NOD2: variants seen among roughly 807,000 people sequenced by gnomAD.
NOD2 encodes nucleotide binding oligomerization domain containing 2, also known as nucleotide-binding oligomerization domain-containing protein 2.
Under a neutral mutation model 90.9 loss-of-function variants are expected in NOD2, and 86 were observed. The observed-to-expected ratio is 0.95, with a 90% confidence interval of 0.79 to 1.13. The LOEUF (loss-of-function observed/expected upper bound fraction) is 1.13, where lower values mean the gene tolerates loss of function less well. NOD2 is among the 50% of genes most tolerant of loss of function. NOD2 has a pLI of 0.00. For missense variants in NOD2, 1,238 were observed against 1,283.8 expected (o/e 0.96, Z 0.55); for synonymous variants, 581 against 554.6 (o/e 1.05, Z -0.67).
At position 50,711,514 on chromosome 16, in the gene NOD2, C is replaced by T. The variant is rs145190613; in HGVS notation, c.1522C>T (p.Leu508=). The change falls in exon 4 of 12, where the codon CTG becomes TTG. Residue 508 remains leucine, a synonymous_variant. Transcript: ENST00000647318. ...CCCCCCAGACTCAGCTTCCCAAGGTCTGGGACCCAGTCTTCTTCGGGGCCG... is the reference window on the plus strand; with the variant it reads ...CCCCCCAGACTCAGCTTCCCAAGGTTTGGGACCCAGTCTTCTTCGGGGCCG... ...ATPPDSASQG[L]GPSLLRGRLP... is the part of the protein sequence containing the mutation. 8.8e-5 allele frequency: 142 copies of T among 1,613,394 alleles called. 1 individual carries two copies. Among genetic ancestry groups the T allele is most frequent in the Admixed American group, 3.8e-4 (23 of 60,028 alleles).
intron 2 of NOD2, among the ~76,000 whole-genome samples, chr16:50,706,698 CTTTT>C (rs529592403): frequency 4.3e-5 from 6 of 140,554 alleles, no homozygotes; most frequent in Admixed American, 7.1e-5. Flanking sequence ...CTATTTCTTT[CTTTT>C]TTTTTTTTTT....
At chr16:50,731,074 A>G (rs1286069052) in intron 11 of NOD2, among the ~76,000 whole-genome samples, 1 of 152,106 alleles carries the variant, frequency 6.6e-6, no homozygotes, top group Non-Finnish European at 1.5e-5. Context: ...GGAGGCTGGG[A>G]TGGAAGGATC....
At chr16:50,704,323 T>G (rs1964081973) in intron 2 of NOD2, among the ~76,000 whole-genome samples, 1 of 152,202 alleles carries the variant, frequency 6.6e-6, no homozygotes, top group Admixed American at 6.5e-5. Context: ...TACTACATTT[T>G]GCTAGACCGT....
rs756184386 is a variant in NOD2, at chr16:50,712,241, C to A, written c.2249C>A (p.Thr750Asn). The A allele has an allele frequency of 1.2e-6, 2 of 1,613,944 alleles. No individual in the cohort carries two copies. The highest frequency in any genetic ancestry group is 1.6e-4 in the Middle Eastern group (1 of 6,062). The change falls in exon 4 of 12, where the codon ACT becomes AAT. Residue 750 changes from threonine (T) to asparagine (N), a missense_variant. Around this residue, in one of 3 missense-constraint regions of NOD2, gnomAD observed 667 missense variants for 688.7 expected, o/e 0.97. Coordinates refer to ENST00000647318, the MANE Select transcript of NOD2 (RefSeq NM_001370466.1). ...LKLTFCSVGP[T>N]ECAALAFVLQ... ...TTGACATTTTGCAGTGTGGGCCCCA[C>A]TGAGTGTGCTGCCCTGGCCTTTGTG...
chr16:50,709,375 G>T (rs2150804662), intron 3 of NOD2, among the ~76,000 whole-genome samples: 1 of 152,314 alleles, frequency 6.6e-6, no homozygotes, highest in South Asian at 2.1e-4. Context: ...GGGCAGTGAG[G>T]CTGTGATGGC....
At chr16:50,698,566 A>G (rs1158727779) in intron 1 of NOD2, among the ~76,000 whole-genome samples, 2 of 152,198 alleles carry the variant, frequency 1.3e-5, no homozygotes, top group South Asian at 2.1e-4. Context: ...CCCGTGGGGA[A>G]CCCAAATGTA....
chr16:50,722,421 G>A (rs1965100345), intron 7 of NOD2, among the ~76,000 whole-genome samples: 1 of 152,204 alleles, frequency 6.6e-6, no homozygotes, highest in African/African-American at 2.4e-5. Context: ...GAAAACTCTT[G>A]GGTTAAGTTT....
chr16:50,721,682 G>A (rs775935873), intron 7 of NOD2, among the ~76,000 whole-genome samples: 6 of 151,828 alleles, frequency 4.0e-5, no homozygotes, highest in Non-Finnish European at 8.8e-5. Context: ...TTGTAGAGAC[G>A]GGGTCTCACT....
intron 2 of NOD2, among the ~76,000 whole-genome samples, chr16:50,707,331 C>T (rs1445921268): frequency 3.2e-4 from 48 of 152,090 alleles, no homozygotes; most frequent in Admixed American, 2.6e-3. Context: ...GGAAGGCTGT[C>T]GGTTTGGCAG....
chr16:50,722,110 A>G (rs1255215293), intron 7 of NOD2, among the ~76,000 whole-genome samples: 1 of 152,198 alleles, frequency 6.6e-6, no homozygotes, highest in Non-Finnish European at 1.5e-5. Context: ...AACTACAGTG[A>G]GTCAGAGGAG....
At chr16:50,721,892 G>A (rs1965077341) in intron 7 of NOD2, among the ~76,000 whole-genome samples, 1 of 152,196 alleles carries the variant, frequency 6.6e-6, no homozygotes, top group African/African-American at 2.4e-5. Context: ...TGTTATTACA[G>A]TGTCATATCC....
chr16:50,712,401 G>C (rs535622368), intron 4 of NOD2, 28 bp downstream of exon 4: 1 of 1,611,668 alleles, frequency 6.2e-7, no homozygotes, highest in Admixed American at 1.7e-5. Context: ...TTGCTGTTCA[G>C]GTATGGGGGA....
rs1596907667 is a variant in NOD2, at chr16:50,725,436, A to G, written c.2802-53A>G. 8.5e-6 allele frequency: 12 copies of G among 1,405,256 alleles called. No individual in the cohort carries two copies. The East Asian group carries it at 1.6e-4, about 19-fold the overall frequency. 87.0% of individuals were successfully genotyped at this position (1,405,256 alleles called of 1,614,324 possible). On this transcript the variant is annotated intron_variant, in intron 9 of 11. Coordinates refer to ENST00000647318, the MANE Select transcript of NOD2 (RefSeq NM_001370466.1). ...TATATGGGGGGCATGTGAGTTCATCATCTTCCATAATCAATGTTGTATCAA... is the reference window on the plus strand; with the variant it reads ...TATATGGGGGGCATGTGAGTTCATCGTCTTCCATAATCAATGTTGTATCAA...
At chr16:50,725,449 A>T in intron 9 of NOD2, 40 bp from the exon 10 acceptor site, 1 of 1,492,090 alleles carries the variant, frequency 6.7e-7, no homozygotes, top group Non-Finnish European at 9.4e-7. Context: ...TTCCATAATC[A>T]ATGTTGTATC....
rs769855133 is a variant in NOD2, at chr16:50,699,573, C to T, written c.78C>T (p.Phe26=). 34 of 1,613,926 alleles carry T rather than the reference C, an allele frequency of 2.1e-5. No homozygotes were observed. In the South Asian group the frequency reaches 2.3e-4, roughly 11 times the overall value. ...ELLVSGSLEG[F]ESVLDWLLSW... ...TGGTCTCAGGGTCCCTGGAAGGCTTCGAGAGTGTCCTGGACTGGCTGCTGT... is the reference window on the plus strand; with the variant it reads ...TGGTCTCAGGGTCCCTGGAAGGCTTTGAGAGTGTCCTGGACTGGCTGCTGT... Residue 26 remains phenylalanine (F), a synonymous_variant, in exon 2 of 12, where the codon TTC becomes TTT. Coordinates refer to ENST00000647318, the MANE Select transcript of NOD2 (RefSeq NM_001370466.1).
intron 2 of NOD2, 29 bp downstream of exon 2, chr16:50,699,983 G>A: frequency 6.3e-7 from 1 of 1,589,114 alleles, no homozygotes; most frequent in Middle Eastern, 1.7e-4. Flanking sequence ...GCATCACAGA[G>A]TTCTCAGGAA....
Position 50,713,741 on chromosome 16 carries a change from G to A in NOD2, c.2381+1368G>A, listed in dbSNP as rs972164038. On this transcript the variant is annotated intron_variant, in intron 4 of 11. Coordinates refer to ENST00000647318, the MANE Select transcript of NOD2 (RefSeq NM_001370466.1). ...GGAAGGGGAGGGAGACTAATTAGCT[G>A]GGGGGAAGGTATGGAGACGGCTGCC... 2.0e-5 allele frequency among the ~76,000 whole-genome samples: 3 copies of A among 151,962 alleles called. No individual in the cohort carries two copies. The East Asian group carries it at 5.8e-4, about 29-fold the overall frequency.
At chr16:50,717,026 G>C in intron 6 of NOD2, 52 bp downstream of exon 6, 1 of 1,524,808 alleles carries the variant, frequency 6.6e-7, no homozygotes, top group Non-Finnish European at 9.1e-7. Context: ...CCCCATTCCT[G>C]AGTCAGTCTG....
intron 11 of NOD2, 128 bp from the exon 12 acceptor site, chr16:50,731,619 G>A (rs1965456584): frequency 1.4e-6 from 1 of 730,406 alleles, no homozygotes; most frequent in Non-Finnish European, 2.5e-6. Flanking sequence ...TTCCCTGCAA[G>A]AAACACTGCA....
Sources: allele counts gnomAD v4.1 joint callset (sites outside exome capture counted in the v4.1 genomes callset), GRCh38; gene constraint gnomAD v4.1.1; regional missense constraint gnomAD v4.1.1; transcripts MANE v1.5; gene names NCBI Gene and HGNC (gene_info 2026-07-23, HGNC 2026-07-21).